Variants in ZNF330 observed in about 807,000 individuals in gnomAD.
ZNF330 encodes the protein nucleolar atypical zinc finger.
In ZNF330, 31 loss-of-function variants were observed where a neutral mutation model predicts 45.5. The ratio of observed to expected loss-of-function variants is 0.68; its 90% CI spans 0.51 to 0.92. The LOEUF (loss-of-function observed/expected upper bound fraction) is 0.92, where lower values mean the gene tolerates loss of function less well. Among genes scored for constraint, ZNF330 ranks in the 40% least tolerant of loss-of-function variants. ZNF330 has a pLI of 0.00. For synonymous variants in ZNF330, 138 were observed against 123.2 expected, an observed-to-expected ratio of 1.12 and a Z score of -0.79; for missense variants, 356 against 387.4, an observed-to-expected ratio of 0.92 and a Z score of 0.68.
Position 141,229,566 on chromosome 4 carries a change from T to C in ZNF330, c.292-5T>C. On this transcript the variant is annotated splice_region_variant and splice_polypyrimidine_tract_variant and intron_variant, in intron 5 of 9. Transcript: ENST00000262990. Reference sequence around the variant, plus strand: ...TGATTATGTATTCTTGTTCCTTGGTTACAGGGTGCAATATGTGACTTCTGT... The same window carrying C: ...TGATTATGTATTCTTGTTCCTTGGTCACAGGGTGCAATATGTGACTTCTGT... 6.2e-7 allele frequency: 1 copy of C among 1,612,670 alleles called. No homozygotes were observed. The highest frequency in any genetic ancestry group is 8.5e-7 in the Non-Finnish European group (1 of 1,178,988).
upstream of ZNF330, among the ~76,000 whole-genome samples, chr4:141,220,537 A>C (rs1238766193): frequency 6.6e-6 from 1 of 152,248 alleles, no homozygotes; most frequent in African/African-American, 2.4e-5. Context: ...CTGAAGGCAC[A>C]GTTTGCGCAG....
intron 2 of ZNF330, chr4:141,224,012 C>T: frequency 1.0e-5 from 3 of 288,478 alleles, no homozygotes; most frequent in South Asian, 1.0e-4. Flanking sequence ...TTGTGGAGAG[C>T]TTTTAAAACC....
intron 2 of ZNF330, chr4:141,222,992 T>A (rs1728719972): frequency 6.5e-6 from 1 of 152,776 alleles, no homozygotes; most frequent in African/African-American, 2.4e-5. Flanking sequence ...TAGGTCATCA[T>A]TACCTCTTTC....
chr4:141,234,255 AAGTATGTTTTGC>A lies in ZNF330; in HGVS notation c.*267_*278del. 2.4e-6 allele frequency: 1 copy of A among 420,490 alleles called. No individual in the cohort carries two copies. The highest frequency in any genetic ancestry group is 3.7e-6 in the Non-Finnish European group (1 of 267,196). 26.0% of individuals were successfully genotyped at this position (420,490 alleles called of 1,614,324 possible). A position where few individuals can be genotyped will look rare whatever the true frequency, so the allele number is the denominator to read the frequency against. ...GATTGGATTGTTACTGATTTCAGTA[AAGTATGTTTTGC>A]CAATTAGATACATATATACAAGATA... On this transcript the variant is annotated 3_prime_UTR_variant, in exon 10 of 10. Transcript: ENST00000262990.
At chr4:141,231,660 C>T (rs1481168985) in intron 8 of ZNF330, among the ~76,000 whole-genome samples, 175 bp downstream of exon 8, 1 of 152,040 alleles carries the variant, frequency 6.6e-6, no homozygotes. Context: ...ACATGACTTT[C>T]CAATGGTCAT....
chr4:141,224,358 G>T, intron 2 of ZNF330, 129 bp from the exon 3 acceptor site: 1 of 781,718 alleles, frequency 1.3e-6, no homozygotes, highest in Non-Finnish European at 2.2e-6. Context: ...GTATACATGG[G>T]TGGAGTTGGG....
At chr4:141,223,645 CT>C in intron 2 of ZNF330, 1 of 433,068 alleles carries the variant, frequency 2.3e-6, no homozygotes, top group Middle Eastern at 3.4e-4. Context: ...GACAGTGAGG[CT>C]GTCTTCTGTG....
chr4:141,227,616 T>C (rs971548243), intron 5 of ZNF330, among the ~76,000 whole-genome samples: 5 of 152,184 alleles, frequency 3.3e-5, no homozygotes, highest in African/African-American at 7.2e-5. Context: ...CATTTGTCTT[T>C]ATAGCAGCAT....
intron 5 of ZNF330, among the ~76,000 whole-genome samples, chr4:141,227,143 T>C (rs938202162): frequency 6.6e-6 from 1 of 151,600 alleles, no homozygotes. Flanking sequence ...TTATTATTAT[T>C]ATTATACTTT....
chr4:141,224,608 C>A lies in ZNF330; in HGVS notation c.142C>A (p.Arg48=), dbSNP rs141159055. ...TAAAATTTTATTTTACATGACAAGG[C>A]GGCAGAAGAATAGAGCATTTTGCTA... ...ASMECDKCQR[R]QKNRAFCYFC... Residue 48 remains arginine, a splice_region_variant and synonymous_variant, in exon 4 of 10, where the codon CGG becomes AGG. Coordinates refer to ENST00000262990, the MANE Select transcript of ZNF330 (RefSeq NM_014487.6). 2.1e-5 allele frequency: 34 copies of A among 1,613,230 alleles called. No individual in the cohort carries two copies. Among genetic ancestry groups the A allele is most frequent in the Non-Finnish European group, 2.5e-5 (30 of 1,179,558 alleles).
At chr4:141,227,761 G>A (rs1354070870) in intron 5 of ZNF330, among the ~76,000 whole-genome samples, 1 of 152,028 alleles carries the variant, frequency 6.6e-6, no homozygotes, top group Non-Finnish European at 1.5e-5. Context: ...AAGCAACTTA[G>A]TTCCAAACGA....
chr4:141,229,798 T>C, intron 6 of ZNF330, 101 bp downstream of exon 6: 1 of 1,410,404 alleles, frequency 7.1e-7, no homozygotes, highest in East Asian at 2.3e-5. Flanking sequence ...ATACTGTCAA[T>C]CCTAACTACT....
upstream of ZNF330, chr4:141,220,830 CG>C (rs932503567): frequency 1.3e-5 from 2 of 152,224 alleles, no homozygotes; most frequent in Non-Finnish European, 2.9e-5. Context: ...CAGGAGTGGG[CG>C]GGGAAGGGGC....
rs1578816831 is a variant in ZNF330 at position 141,234,469 on chromosome 4, T to C, written c.*480T>C. On this transcript the variant is annotated 3_prime_UTR_variant, in exon 10 of 10. Coordinates refer to ENST00000262990, the MANE Select transcript of ZNF330 (RefSeq NM_014487.6). ...TTATATTCTAAATTTTCATTAAATA[T>C]TCATGTCACCTTGAGTTGTCATGAT... 6.5e-6 allele frequency: 1 copy of C among 153,258 alleles called. No homozygotes were observed. Among genetic ancestry groups the C allele is most frequent in the Admixed American group, 6.5e-5 (1 of 15,450 alleles). The allele number at this position is 153,258 out of a possible 1,614,324, so 9.5% of individuals were successfully genotyped here.
In ZNF330 at chr4:141,226,773, C is replaced by T. The variant is rs1016585110; in HGVS notation, c.218C>T (p.Thr73Ile). The T allele has an allele frequency of 2.5e-6, 4 of 1,612,318 alleles. No individual in the cohort carries two copies. The African/African-American group carries it at 4.0e-5, about 16-fold the overall frequency. ...KLPICAQCGKTKCMMKSSDCV... is the reference protein window; with the variant it reads ...KLPICAQCGKIKCMMKSSDCV... Reference sequence around the variant, plus strand: ...AAATGTTTTTCTTCATTAGGGAAAACAAAGTGCATGATGAAGTCTTCAGAC... The same window carrying T: ...AAATGTTTTTCTTCATTAGGGAAAATAAAGTGCATGATGAAGTCTTCAGAC... The change falls in exon 5 of 10, where the codon ACA becomes ATA. Residue 73 changes from threonine (T) to isoleucine (I), a missense_variant. By Grantham distance (89) the Thr-to-Ile change is moderately conservative. Coordinates refer to ENST00000262990, the MANE Select transcript of ZNF330 (RefSeq NM_014487.6).
chr4:141,222,477 T>G lies in ZNF330; in HGVS notation c.106T>G (p.Cys36Gly). 1 of 1,612,632 alleles carries G rather than the reference T, an allele frequency of 6.2e-7. No homozygotes were observed. The highest frequency in any genetic ancestry group is 1.1e-5 in the South Asian group (1 of 90,982). Residue 36 changes from cysteine to glycine, a missense_variant, in exon 2 of 10, where the codon TGT becomes GGT. Coordinates refer to ENST00000262990, the MANE Select transcript of ZNF330 (RefSeq NM_014487.6). ...CACTATAGATTTAGCTAAACATCCA[T>G]GTAATGCCTCAATGGTATCAGCTTT... ...RSTIDLAKHPCNASMECDKCQ... is the reference protein window; with the variant it reads ...RSTIDLAKHPGNASMECDKCQ...
At chr4:141,228,950 A>G (rs1728877746) in intron 5 of ZNF330, among the ~76,000 whole-genome samples, 1 of 151,970 alleles carries the variant, frequency 6.6e-6, no homozygotes, top group Non-Finnish European at 1.5e-5. Context: ...ACATATTGTT[A>G]TTGTCTTTTC....
Position 141,232,535 on chromosome 4 carries a change from GTGA to G in ZNF330, c.586_588del (p.Asp196del). ...GCTTCTCCTATACAGGCTTGTTTCT[GTGA>G]TGATCATACAAGGAGCAAAGTGTTT... is the stretch of plus-strand genomic sequence containing the variant. On this transcript the variant is annotated inframe_deletion, in exon 9 of 10. Coordinates refer to ENST00000262990, the MANE Select transcript of ZNF330 (RefSeq NM_014487.6). 1.3e-6 allele frequency: 2 copies of G among 1,569,940 alleles called. No individual in the cohort carries two copies. Among genetic ancestry groups the G allele is most frequent in the South Asian group, 2.5e-5 (2 of 81,440 alleles).
chr4:141,233,170 T>C (rs1728999775), intron 9 of ZNF330, among the ~76,000 whole-genome samples: 1 of 152,112 alleles, frequency 6.6e-6, no homozygotes, highest in Admixed American at 6.6e-5. Flanking sequence ...TAAAGAGAAG[T>C]TTGACTCTTA....
Sources: gnomAD v4.1 joint callset for allele counts (sites outside exome capture counted in the v4.1 genomes callset) on GRCh38, gnomAD v4.1.1 for gene constraint, MANE v1.5 for transcripts, NCBI Gene and HGNC (gene_info 2026-07-23, HGNC 2026-07-21) for gene names.